The following ZFP41 variants were observed in gnomAD, a reference collection of about 807,000 sequenced individuals.
ZFP41 encodes ZFP41 zinc finger protein.
ZFP41 carries 10 observed loss-of-function variants against 11.6 expected under a neutral mutation model. The observed-to-expected ratio is 0.86, with a 90% confidence interval of 0.53 to 1.47. The LOEUF (loss-of-function observed/expected upper bound fraction) is 1.47. Ranked by LOEUF, ZFP41 falls within the 40% of genes most tolerant of loss-of-function variation. The probability of loss-of-function intolerance (pLI) is 0.00; values close to 1 mark genes in which losing one functional copy is unlikely to be tolerated. For synonymous variants in ZFP41, 123 were observed against 100.9 expected, an observed-to-expected ratio of 1.22 and a Z score of -1.31; for missense variants, 302 against 264.6, an observed-to-expected ratio of 1.14 and a Z score of -0.98.
chr8:143,252,054 T>C (rs1193313737), intron 2 of ZFP41, among the ~76,000 whole-genome samples: 1 of 152,238 alleles, frequency 6.6e-6, no homozygotes, highest in Non-Finnish European at 1.5e-5. Flanking sequence ...TCATGCCCAC[T>C]GCCCATGGGC....
rs529590698 is a variant in ZFP41 at position 143,250,278 on chromosome 8, C to T, written c.435C>T (p.Cys145=). Residue 145 remains cysteine (C), a synonymous_variant, in exon 2 of 3, where the codon TGC becomes TGT. Coordinates refer to ENST00000330701, the MANE Select transcript of ZFP41 (RefSeq NM_173832.6). ...ACACGGGAGAGAAGCCCTTCAAATG[C>T]GGGGAGTGCGGGAAAGCCTTTAACT... is the stretch of plus-strand genomic sequence containing the variant. ...RTHTGEKPFK[C]GECGKAFNCG... 4.3e-6 allele frequency: 7 copies of T among 1,613,930 alleles called. No homozygotes were observed. Among genetic ancestry groups the T allele is most frequent in the Middle Eastern group, 1.6e-4 (1 of 6,084 alleles).
chr8:143,251,124 C>T lies in ZFP41; in HGVS notation c.*684C>T, dbSNP rs548077965. ...GGCCACACCACGTGCCCTCTTGGCC[C>T]AGCCTTCCTCCCAGAGAGGCGGCCT... is the stretch of plus-strand genomic sequence containing the variant. On this transcript the variant is annotated 3_prime_UTR_variant, in exon 2 of 3. Transcript: ENST00000330701. The T allele has an allele frequency of 1.1e-3, 185 of 167,638 alleles. No homozygotes were observed. Among genetic ancestry groups the T allele is most frequent in the Middle Eastern group, 3.4e-3 (1 of 296 alleles). 10.4% of individuals were successfully genotyped at this position (167,638 alleles called of 1,614,324 possible).
In ZFP41 at chr8:143,249,990, G is replaced by A; in HGVS notation, c.147G>A (p.Glu49=). Residue 49 remains glutamate, a synonymous_variant, in exon 2 of 3, where the codon GAG becomes GAA. Coordinates refer to ENST00000330701, the MANE Select transcript of ZFP41 (RefSeq NM_173832.6). Reference sequence around the variant, plus strand: ...CTGTGCCCAGGAAGCCCCGCACAGAGCCCTGCCTGAGTCCTGAAGACGAAG... The same window carrying A: ...CTGTGCCCAGGAAGCCCCGCACAGAACCCTGCCTGAGTCCTGAAGACGAAG... ...RPTVPRKPRT[E]PCLSPEDEEH... 7 of 1,614,136 alleles carry A rather than the reference G, an allele frequency of 4.3e-6. No homozygotes were observed. Among genetic ancestry groups the A allele is most frequent in the Non-Finnish European group, 5.9e-6 (7 of 1,180,020 alleles).
At chr8:143,248,347 C>G (rs1309176278) in intron 1 of ZFP41, 1 of 152,274 alleles carries the variant, frequency 6.6e-6, no homozygotes, top group Non-Finnish European at 1.5e-5. Flanking sequence ...ATGTCAGTGA[C>G]CAGCCACACG....
chr8:143,258,812 G>T (rs1401355745), intron 2 of ZFP41, among the ~76,000 whole-genome samples: 1 of 152,192 alleles, frequency 6.6e-6, no homozygotes, highest in African/African-American at 2.4e-5. Context: ...GAGAACACAA[G>T]TTAAAACAAC....
At chr8:143,254,725 C>T (rs116426363) in intron 2 of ZFP41, among the ~76,000 whole-genome samples, 4,643 of 151,618 alleles carry the variant, frequency 0.031, 258 homozygotes, top group African/African-American at 0.11. Flanking sequence ...CTCCACCTCC[C>T]GCGGTCAAGC....
intron 2 of ZFP41, among the ~76,000 whole-genome samples, chr8:143,251,880 C>G (rs1230598414): frequency 1.3e-5 from 2 of 152,236 alleles, no homozygotes; most frequent in African/African-American, 2.4e-5. Context: ...GCTTCAGTCC[C>G]TCTGCACTCA....
In ZFP41 at chr8:143,250,726, G is replaced by A. The variant is rs916292990; in HGVS notation, c.*286G>A. ...ATTTTCCAAGTTCCCGATGGCGAAC[G>A]GGGCTCAGCACCAGAGACCAGGGAG... is the stretch of plus-strand genomic sequence containing the variant. On this transcript the variant is annotated 3_prime_UTR_variant, in exon 2 of 3. Transcript: ENST00000330701. 4.6e-5 allele frequency: 23 copies of A among 503,234 alleles called. No homozygotes were observed. Among genetic ancestry groups the A allele is most frequent in the African/African-American group, 3.7e-4 (19 of 52,018 alleles). The allele number at this position is 503,234 out of a possible 1,614,324, so 31.2% of individuals were successfully genotyped here. A position where few individuals can be genotyped will look rare whatever the true frequency, so the allele number is the denominator to read the frequency against.
intron 2 of ZFP41, among the ~76,000 whole-genome samples, chr8:143,256,041 G>A (rs1461472726): frequency 1.6e-5 from 1 of 63,688 alleles, no homozygotes; most frequent in Admixed American, 1.4e-4. Flanking sequence ...CTCACCCCGC[G>A]TGCTGGTGTT....
chr8:143,256,711 CA>C (rs1814922735), intron 2 of ZFP41, among the ~76,000 whole-genome samples: 1 of 152,016 alleles, frequency 6.6e-6, no homozygotes, highest in Non-Finnish European at 1.5e-5. Context: ...GACCCTGTCT[CA>C]AAAATAAAAG....
chr8:143,256,074 C>T (rs1227750100), intron 2 of ZFP41, among the ~76,000 whole-genome samples: 2 of 60,182 alleles, frequency 3.3e-5, no homozygotes, highest in East Asian at 3.7e-4. Context: ...GCTCACCCCG[C>T]GTGCTGGTGT....
At chr8:143,255,403 G>A (rs1241972622) in intron 2 of ZFP41, among the ~76,000 whole-genome samples, 1 of 152,146 alleles carries the variant, frequency 6.6e-6, no homozygotes, top group Non-Finnish European at 1.5e-5. Context: ...CCCGTGTCTG[G>A]TGTTAGTGAG....
At position 143,250,656 on chromosome 8, in the gene ZFP41, C is replaced by T. The variant is rs1027585230; in HGVS notation, c.*216C>T. On this transcript the variant is annotated 3_prime_UTR_variant, in exon 2 of 3. Transcript: ENST00000330701. Reference sequence around the variant, plus strand: ...CAGAGAGTCTCTCTGATCAAGACACCGCAGTGATGGAGAAGCCACCAGAGG... The same window carrying T: ...CAGAGAGTCTCTCTGATCAAGACACTGCAGTGATGGAGAAGCCACCAGAGG... 12 of 741,738 alleles carry T rather than the reference C, an allele frequency of 1.6e-5. No individual in the cohort carries two copies. Among genetic ancestry groups the T allele is most frequent in the South Asian group, 2.2e-5 (1 of 46,298 alleles). The allele number at this position is 741,738 out of a possible 1,614,324, so 45.9% of individuals were successfully genotyped here.
rs183587177 is a variant in ZFP41, at chr8:143,256,563, C to T, written c.*901-3212C>T. On this transcript the variant is annotated intron_variant, in intron 2 of 2. Transcript: ENST00000330701. ...ATGAGAGAGCTGGCTTCAACAAAAT[C>T]GGCATGGAAAACAACAAAAGATACA... Among the ~76,000 whole-genome samples the T allele has an allele frequency of 3.9e-3, 596 of 152,304 alleles. 3 individuals are homozygous for T. Among genetic ancestry groups the T allele is most frequent in the Non-Finnish European group, 6.6e-3 (449 of 68,034 alleles).
chr8:143,256,875 C>G (rs1814926329), intron 2 of ZFP41, among the ~76,000 whole-genome samples: 1 of 152,202 alleles, frequency 6.6e-6, no homozygotes, highest in African/African-American at 2.4e-5. Flanking sequence ...GGACCAAGAG[C>G]TGAAGCCGGA....
Position 143,249,867 on chromosome 8 carries a change from AAAG to A in ZFP41, c.29_31del (p.Lys10del), listed in dbSNP as rs1366480441. On this transcript the variant is annotated inframe_deletion, in exon 2 of 3. Transcript: ENST00000330701. ...TGATGGAGAAGCCTGCAGGCAGAAA[AAAG>A]AAGACGCCGACCCCAAGGGAGGAGG... 1.9e-6 allele frequency: 3 copies of A among 1,598,904 alleles called. No individual in the cohort carries two copies. The highest frequency in any genetic ancestry group is 1.1e-5 in the South Asian group (1 of 89,602).
At chr8:143,252,107 A>G (rs1360559194) in intron 2 of ZFP41, among the ~76,000 whole-genome samples, 1 of 152,248 alleles carries the variant, frequency 6.6e-6, no homozygotes, top group Non-Finnish European at 1.5e-5. Flanking sequence ...TCCCCGCAGA[A>G]ATAGAAATAG....
In ZFP41 at chr8:143,256,944, G is replaced by A. The variant is rs192491096; in HGVS notation, c.*901-2831G>A. Among the ~76,000 whole-genome samples the A allele has an allele frequency of 1.1e-3, 171 of 152,354 alleles. 1 individual carries two copies. The highest frequency in any genetic ancestry group is 3.9e-3 in the African/African-American group (164 of 41,594). ...AGACCAAGAGCTGAAGCCGGAGGCC[G>A]TCTAGGCTGACCTCTGCTTCGGTGT... On this transcript the variant is annotated intron_variant, in intron 2 of 2. Transcript: ENST00000330701.
chr8:143,251,011 T>C lies in ZFP41; in HGVS notation c.*571T>C. 1 of 170,980 alleles carries C rather than the reference T, an allele frequency of 5.8e-6. No individual in the cohort carries two copies. Among genetic ancestry groups the C allele is most frequent in the Non-Finnish European group, 1.4e-5 (1 of 70,730 alleles). The allele number at this position is 170,980 out of a possible 1,614,324, so 10.6% of individuals were successfully genotyped here. A position where few individuals can be genotyped will look rare whatever the true frequency, so the allele number is the denominator to read the frequency against. On this transcript the variant is annotated 3_prime_UTR_variant, in exon 2 of 3. Coordinates refer to ENST00000330701, the MANE Select transcript of ZFP41 (RefSeq NM_173832.6). Reference sequence around the variant, plus strand: ...CGGGGCCGCTTGTCCCTGCCCGGCCTCTGTGCCCCAACTGTGCTTGGTCCT... The same window carrying C: ...CGGGGCCGCTTGTCCCTGCCCGGCCCCTGTGCCCCAACTGTGCTTGGTCCT...
Sources: gnomAD v4.1 joint callset for allele counts (sites outside exome capture counted in the v4.1 genomes callset) on GRCh38, gnomAD v4.1.1 for gene constraint, MANE v1.5 for transcripts, NCBI Gene and HGNC (gene_info 2026-07-23, HGNC 2026-07-21) for gene names.